Variants in IPCEF1 observed in about 807,000 individuals in gnomAD.
The protein encoded by IPCEF1 is interactor protein for cytohesin exchange factors 1.
In IPCEF1, 31 loss-of-function variants were observed where a neutral mutation model predicts 50.9. That is an observed-to-expected ratio of 0.61 (90% CI 0.46 to 0.82). IPCEF1 has a LOEUF of 0.82. Among genes scored for constraint, IPCEF1 ranks in the 40% least tolerant of loss-of-function variants. The pLI, the probability that IPCEF1 is intolerant of heterozygous loss-of-function variation, is 0.00. For synonymous variants in IPCEF1, 181 were observed against 192.0 expected (o/e 0.94, Z 0.47); for missense variants, 458 against 514.0 (o/e 0.89, Z 1.05).
At chr6:154,282,951 G>A (rs577359417) in intron 2 of IPCEF1, among the ~76,000 whole-genome samples, 26 of 152,160 alleles carry the variant, frequency 1.7e-4, no homozygotes, top group African/African-American at 6.3e-4. Flanking sequence ...GGAGAGAGTG[G>A]AAAAAGAAAT....
intron 1 of IPCEF1, among the ~76,000 whole-genome samples, chr6:154,332,974 A>T (rs1434116499): frequency 6.6e-6 from 1 of 152,120 alleles, no homozygotes; most frequent in Non-Finnish European, 1.5e-5. Context: ...AAAACAATTG[A>T]TCTAACGGAA....
At chr6:154,169,066 C>T (rs1189972215) in intron 10 of IPCEF1, among the ~76,000 whole-genome samples, 1 of 150,012 alleles carries the variant, frequency 6.7e-6, no homozygotes, top group East Asian at 2.1e-4. Flanking sequence ...AAAGCTCACC[C>T]AAATATCATC....
chr6:154,297,393 G>C (rs1001008419), intron 1 of IPCEF1, among the ~76,000 whole-genome samples: 1 of 152,046 alleles, frequency 6.6e-6, no homozygotes, highest in Non-Finnish European at 1.5e-5. Context: ...GCAGGTTCCT[G>C]ACTCAGCACC....
At chr6:154,209,728 C>T (rs898331013) in intron 9 of IPCEF1, among the ~76,000 whole-genome samples, 1 of 151,714 alleles carries the variant, frequency 6.6e-6, no homozygotes, top group Non-Finnish European at 1.5e-5. Context: ...TAACCAAGTG[C>T]CTTCCATGTC....
intron 2 of IPCEF1, among the ~76,000 whole-genome samples, chr6:154,278,266 A>G (rs1583937540): frequency 6.6e-6 from 1 of 152,326 alleles, no homozygotes; most frequent in African/African-American, 2.4e-5. Flanking sequence ...TACATCTGAA[A>G]GAGGAACATG....
intron 10 of IPCEF1, among the ~76,000 whole-genome samples, chr6:154,177,672 C>T (rs1362844882): frequency 1.3e-5 from 2 of 152,184 alleles, no homozygotes; most frequent in Non-Finnish European, 2.9e-5. Context: ...GAAATAGGAA[C>T]ACTTTTACAC....
rs1239389856 is a variant in IPCEF1, at chr6:154,157,959, C to CT, written c.*1868dup. 2 of 152,206 alleles carry CT rather than the reference C, an allele frequency of 1.3e-5. No individual in the cohort carries two copies. Among genetic ancestry groups the CT allele is most frequent in the Non-Finnish European group, 2.9e-5 (2 of 68,026 alleles). 9.4% of individuals were successfully genotyped at this position (152,206 alleles called of 1,614,324 possible). On this transcript the variant is annotated 3_prime_UTR_variant, in exon 12 of 12. Transcript: ENST00000367220. Reference sequence around the variant, plus strand: ...GTCAAACTCATCTTCAGTGGCTTCCCTAGGTGGAGAAGTACCCACATGTTT... The same window carrying CT: ...GTCAAACTCATCTTCAGTGGCTTCCCTTAGGTGGAGAAGTACCCACATGTTT...
intron 1 of IPCEF1, among the ~76,000 whole-genome samples, chr6:154,316,595 A>G (rs904702244): frequency 6.6e-6 from 1 of 152,234 alleles, no homozygotes; most frequent in African/African-American, 2.4e-5. Flanking sequence ...AAAGAATAGG[A>G]TGGTGGTTAG....
At chr6:154,272,930 G>T (rs1781934421) in intron 2 of IPCEF1, among the ~76,000 whole-genome samples, 1 of 152,256 alleles carries the variant, frequency 6.6e-6, no homozygotes, top group Non-Finnish European at 1.5e-5. Flanking sequence ...CTGATGCAAA[G>T]GTAACTGTCC....
At chr6:154,203,079 C>T (rs1777201425) in intron 9 of IPCEF1, among the ~76,000 whole-genome samples, 1 of 152,190 alleles carries the variant, frequency 6.6e-6, no homozygotes, top group South Asian at 2.1e-4. Flanking sequence ...TTATTTCTAA[C>T]ATTCTGGAGA....
At chr6:154,198,043 G>A (rs770915319) in intron 10 of IPCEF1, among the ~76,000 whole-genome samples, 1 of 152,134 alleles carries the variant, frequency 6.6e-6, no homozygotes, top group Non-Finnish European at 1.5e-5. Context: ...AGAACAAGAG[G>A]TGTGACCAAT....
rs1782595987 is a variant in IPCEF1, at chr6:154,294,702, T to C, written c.-61-4946A>G. ...TGCTGAGAGTCCCTGTTTCCCTTTTTATTTCCTTTTTGCCCAATAAACCCT... is the reference window on the plus strand; with the variant it reads ...TGCTGAGAGTCCCTGTTTCCCTTTTCATTTCCTTTTTGCCCAATAAACCCT... On this transcript the variant is annotated intron_variant, in intron 1 of 11. Transcript: ENST00000367220. 2.6e-5 allele frequency among the ~76,000 whole-genome samples: 4 copies of C among 152,070 alleles called. No individual in the cohort carries two copies. In the South Asian group the frequency reaches 8.3e-4, roughly 32 times the overall value.
chr6:154,282,636 G>A (rs961271080), intron 2 of IPCEF1, among the ~76,000 whole-genome samples: 27 of 152,124 alleles, frequency 1.8e-4, no homozygotes, highest in African/African-American at 5.8e-4. Flanking sequence ...GCAGTGAGCC[G>A]AGATAGCACC....
chr6:154,160,525 T>C (rs1053782152), intron 11 of IPCEF1, among the ~76,000 whole-genome samples: 4 of 152,228 alleles, frequency 2.6e-5, no homozygotes, highest in Non-Finnish European at 5.9e-5. Context: ...ATTTATTTAA[T>C]ACAGAATAAA....
intron 11 of IPCEF1, among the ~76,000 whole-genome samples, chr6:154,163,447 C>T (rs1034442765): frequency 1.3e-5 from 2 of 152,160 alleles, no homozygotes; most frequent in Admixed American, 6.5e-5. Context: ...ATATCAATTC[C>T]TCAACATGTT....
chr6:154,175,939 C>T (rs1191639864), intron 10 of IPCEF1, among the ~76,000 whole-genome samples: 1 of 152,142 alleles, frequency 6.6e-6, no homozygotes, highest in Non-Finnish European at 1.5e-5. Flanking sequence ...TACTGGCAAA[C>T]CAAATCCAGC....
chr6:154,306,456 C>T (rs963110940), intron 1 of IPCEF1, among the ~76,000 whole-genome samples: 15 of 152,122 alleles, frequency 9.9e-5, no homozygotes, highest in African/African-American at 2.7e-4. Context: ...AGGCTGGCCT[C>T]GAACTCCTGC....
chr6:154,292,446 G>A (rs1284539513), intron 1 of IPCEF1, among the ~76,000 whole-genome samples: 3 of 152,060 alleles, frequency 2.0e-5, no homozygotes, highest in Non-Finnish European at 2.9e-5. Flanking sequence ...CGCTACAATC[G>A]CATGAGGTAG....
intron 10 of IPCEF1, among the ~76,000 whole-genome samples, chr6:154,190,563 A>G (rs6915225): frequency 0.094 from 14,384 of 152,238 alleles, 1,073 homozygotes; most frequent in African/African-American, 0.21. Context: ...GATGGTGGGA[A>G]TGCAAAATGG....
Sources: gnomAD v4.1 joint callset for allele counts (sites outside exome capture counted in the v4.1 genomes callset) on GRCh38, gnomAD v4.1.1 for gene constraint, MANE v1.5 for transcripts, NCBI Gene and HGNC (gene_info 2026-07-23, HGNC 2026-07-21) for gene names.